BMP5: variants seen among roughly 807,000 people sequenced by gnomAD.
BMP5 encodes the protein bone morphogenetic protein 5.
BMP5 carries 23 observed loss-of-function variants against 46.6 expected under a neutral mutation model. The ratio of observed to expected loss-of-function variants is 0.49; its 90% CI spans 0.35 to 0.70. BMP5 has a LOEUF of 0.70. Among genes scored for constraint, BMP5 ranks in the 30% least tolerant of loss-of-function variants. The probability of loss-of-function intolerance (pLI) is 0.00; values close to 1 mark genes in which losing one functional copy is unlikely to be tolerated. For missense variants in BMP5, 545 were observed against 565.6 expected (o/e 0.96, Z 0.37); for synonymous variants, 204 against 191.9 (o/e 1.06, Z -0.52).
At chr6:55,770,371 T>A (rs1775020808) in intron 4 of BMP5, among the ~76,000 whole-genome samples, 1 of 151,914 alleles carries the variant, frequency 6.6e-6, no homozygotes, top group African/African-American at 2.4e-5. Flanking sequence ...TATCTGCTAC[T>A]TTCAGACTTT....
At chr6:55,836,087 C>T (rs1189676898) in intron 1 of BMP5, among the ~76,000 whole-genome samples, 3 of 151,968 alleles carry the variant, frequency 2.0e-5, no homozygotes, top group Non-Finnish European at 4.4e-5. Context: ...AAAAAATTAA[C>T]AAATTTGTAA....
chr6:55,803,607 C>T (rs1162903424), intron 2 of BMP5, among the ~76,000 whole-genome samples: 1 of 152,162 alleles, frequency 6.6e-6, no homozygotes, highest in Non-Finnish European at 1.5e-5. Flanking sequence ...TCTGCTAGCT[C>T]ACCTTACTGT....
At chr6:55,853,326 C>T (rs966625683) in intron 1 of BMP5, among the ~76,000 whole-genome samples, 2 of 148,138 alleles carry the variant, frequency 1.4e-5, no homozygotes, top group Non-Finnish European at 3.0e-5. Flanking sequence ...CTCTCTCCCC[C>T]TCCCCCTCCC....
intron 1 of BMP5, among the ~76,000 whole-genome samples, chr6:55,833,818 T>C (rs1412107077): frequency 1.3e-5 from 2 of 152,156 alleles, no homozygotes. Context: ...CCATGTTCAA[T>C]CATGGAATCC....
intron 1 of BMP5, among the ~76,000 whole-genome samples, chr6:55,847,985 T>C (rs1777138829): frequency 6.6e-6 from 1 of 151,984 alleles, no homozygotes; most frequent in African/African-American, 2.4e-5. Context: ...TGGATTTTAA[T>C]TTGTACAGTT....
chr6:55,854,657 T>C (rs1777341925), intron 1 of BMP5, among the ~76,000 whole-genome samples: 1 of 152,128 alleles, frequency 6.6e-6, no homozygotes, highest in South Asian at 2.1e-4. Flanking sequence ...TCAAATATTT[T>C]AGGTATGCCA....
intron 3 of BMP5, among the ~76,000 whole-genome samples, chr6:55,774,963 A>G (rs1014635272): frequency 1.3e-5 from 2 of 151,984 alleles, no homozygotes; most frequent in African/African-American, 4.8e-5. Context: ...TGACACACCT[A>G]AATGTTTACT....
intron 2 of BMP5, among the ~76,000 whole-genome samples, chr6:55,815,103 A>C (rs995944877): frequency 6.9e-6 from 1 of 145,718 alleles, no homozygotes; most frequent in African/African-American, 2.6e-5. Flanking sequence ...ATTGCACTCC[A>C]GCTTGGGCAA....
intron 1 of BMP5, among the ~76,000 whole-genome samples, chr6:55,839,753 A>G (rs1582108944): frequency 6.6e-6 from 1 of 152,180 alleles, no homozygotes; most frequent in South Asian, 2.1e-4. Context: ...TATTGTAGAC[A>G]GTGTTATTTT....
Position 55,842,762 on chromosome 6 carries a change from A to AT in BMP5, c.491-22916dup, listed in dbSNP as rs985886556. ...GTCTGATACCTAGAAAAGTTGCCTT[A>AT]TTTTTTTTTTTACAATTTCATTGGA... is the stretch of plus-strand genomic sequence containing the variant. On this transcript the variant is annotated intron_variant, in intron 1 of 6. Transcript: ENST00000370830. Among the ~76,000 whole-genome samples, 760 of 144,312 alleles carry AT rather than the reference A, an allele frequency of 5.3e-3. 5 individuals carry two copies. Among genetic ancestry groups the AT allele is most frequent in the African/African-American group, 0.017 (684 of 39,576 alleles). 94.7% of individuals were successfully genotyped at this position (144,312 alleles called of 152,430 possible).
At chr6:55,853,437 G>A (rs1269504121) in intron 1 of BMP5, among the ~76,000 whole-genome samples, 1 of 148,110 alleles carries the variant, frequency 6.8e-6, no homozygotes, top group Admixed American at 7.0e-5. Flanking sequence ...CATCATTGCT[G>A]TACCAAGGTT....
chr6:55,764,841 C>CT (rs1404648706), intron 4 of BMP5, among the ~76,000 whole-genome samples: 1 of 151,902 alleles, frequency 6.6e-6, no homozygotes, highest in African/African-American at 2.4e-5. Flanking sequence ...AAAACTACAG[C>CT]TTTTTAAAAA....
chr6:55,848,679 A>G (rs1173633536), intron 1 of BMP5, among the ~76,000 whole-genome samples: 1 of 151,912 alleles, frequency 6.6e-6, no homozygotes, highest in African/African-American at 2.4e-5. Flanking sequence ...GAAAGATAAT[A>G]TCATCTCCTG....
At chr6:55,773,495 CTGTG>C (rs10555940) in intron 4 of BMP5, among the ~76,000 whole-genome samples, 25,556 of 148,126 alleles carry the variant, frequency 0.17, 2,575 homozygotes, top group African/African-American at 0.28. Flanking sequence ...TGTTGAAAGA[CTGTG>C]TGTGTGTGTG....
At chr6:55,856,592 G>A (rs1354863693) in intron 1 of BMP5, among the ~76,000 whole-genome samples, 1 of 151,970 alleles carries the variant, frequency 6.6e-6, no homozygotes, top group Non-Finnish European at 1.5e-5. Flanking sequence ...TTTTTATGAT[G>A]TGTAGTGGTA....
intron 1 of BMP5, among the ~76,000 whole-genome samples, chr6:55,872,105 A>G (rs1777801724): frequency 6.6e-6 from 1 of 151,832 alleles, no homozygotes; most frequent in Non-Finnish European, 1.5e-5. Flanking sequence ...TGATTATAAA[A>G]GAAATGCAAA....
chr6:55,789,122 C>A (rs889198788), intron 3 of BMP5, among the ~76,000 whole-genome samples: 6 of 151,740 alleles, frequency 4.0e-5, no homozygotes, highest in African/African-American at 1.4e-4. Context: ...GGACATTAAA[C>A]AACTCTCTGA....
chr6:55,849,969 T>C (rs111342286), intron 1 of BMP5, among the ~76,000 whole-genome samples: 66 of 152,252 alleles, frequency 4.3e-4, no homozygotes, highest in African/African-American at 1.6e-3. Flanking sequence ...CTCTGAAACT[T>C]GTGCTTAAAC....
At chr6:55,762,984 C>A (rs1375401956) in intron 4 of BMP5, among the ~76,000 whole-genome samples, 1 of 152,072 alleles carries the variant, frequency 6.6e-6, no homozygotes, top group Admixed American at 6.5e-5. Flanking sequence ...ATATGATTCC[C>A]ACATGCTGCA....
Sources: allele counts gnomAD v4.1 joint callset (sites outside exome capture counted in the v4.1 genomes callset), GRCh38; gene constraint gnomAD v4.1.1; transcripts MANE v1.5; gene names NCBI Gene and HGNC (gene_info 2026-07-23, HGNC 2026-07-21).